The following SLC9B1 variants were observed in gnomAD, a reference collection of about 807,000 sequenced individuals.
The protein encoded by SLC9B1 is sodium/hydrogen exchanger 9B1.
SLC9B1 carries 32 observed loss-of-function variants against 51.7 expected under a neutral mutation model. The ratio of observed to expected loss-of-function variants is 0.62; its 90% CI spans 0.47 to 0.83. SLC9B1 has a LOEUF of 0.83. SLC9B1 is among the 40% of genes least tolerant of loss of function. The probability of loss-of-function intolerance (pLI) is 0.00; values close to 1 mark genes in which losing one functional copy is unlikely to be tolerated. For missense variants in SLC9B1, 406 were observed against 613.2 expected, an observed-to-expected ratio of 0.66 and a Z score of 3.57; for synonymous variants, 145 against 212.7, an observed-to-expected ratio of 0.68 and a Z score of 2.77.
chr4:102,967,229 C>T (rs1228517586), intron 3 of SLC9B1, among the ~76,000 whole-genome samples: 1 of 152,130 alleles, frequency 6.6e-6, no homozygotes, highest in Non-Finnish European at 1.5e-5. Flanking sequence ...TGAAATTATC[C>T]TTAATGCTCT....
intron 3 of SLC9B1, among the ~76,000 whole-genome samples, chr4:102,970,938 C>T (rs1213568542): frequency 6.6e-6 from 1 of 152,208 alleles, no homozygotes; most frequent in African/African-American, 2.4e-5. Flanking sequence ...GAAGATCTAA[C>T]TATCCTAACT....
chr4:102,940,807 C>T (rs973320905), intron 6 of SLC9B1, among the ~76,000 whole-genome samples: 1 of 152,112 alleles, frequency 6.6e-6, no homozygotes, highest in African/African-American at 2.4e-5. Context: ...TTACAGAACG[C>T]AGAAATAAAG....
chr4:102,990,117 T>G (rs901015568), intron 2 of SLC9B1, among the ~76,000 whole-genome samples, 176 bp from the exon 3 acceptor site: 6 of 152,042 alleles, frequency 3.9e-5, no homozygotes, highest in Non-Finnish European at 5.9e-5. Flanking sequence ...GTAACAGCAG[T>G]GTATTTTGCA....
chr4:102,949,419 G>C lies in SLC9B1; in HGVS notation c.220C>G (p.Leu74Val). 2 of 1,578,122 alleles carry C rather than the reference G, an allele frequency of 1.3e-6. No individual in the cohort carries two copies. The highest frequency in any genetic ancestry group is 1.7e-6 in the Non-Finnish European group (2 of 1,168,272). Residue 74 changes from leucine (L) to valine (V), a missense_variant, in exon 4 of 12, where the codon CTG becomes GTG. By Grantham distance (32) the Leu-to-Val change is conservative (BLOSUM62 1). Transcript: ENST00000296422. ...LNVIITNGVI[L>V]FVIWCMTWSI... Reference sequence around the variant, plus strand: ...CAGGTCATACACCATATCACAAACAGTATAACTCCTGAAATACAAAAAAGT... The same window carrying C: ...CAGGTCATACACCATATCACAAACACTATAACTCCTGAAATACAAAAAAGT...
chr4:102,938,897 T>C (rs777703680), intron 6 of SLC9B1, among the ~76,000 whole-genome samples: 3 of 152,148 alleles, frequency 2.0e-5, no homozygotes, highest in East Asian at 1.9e-4. Flanking sequence ...GAAAAGTTTA[T>C]AGTGCTAAAT....
At chr4:102,997,399 A>T (rs1026106815) in intron 1 of SLC9B1, among the ~76,000 whole-genome samples, 4 of 152,160 alleles carry the variant, frequency 2.6e-5, no homozygotes, top group Non-Finnish European at 5.9e-5. Context: ...GTCTTTCATT[A>T]GGCTTATTTT....
intron 11 of SLC9B1, among the ~76,000 whole-genome samples, chr4:102,893,281 C>CAAAAGAAAAAAA: frequency 2.8e-5 from 1 of 35,160 alleles, no homozygotes; most frequent in Non-Finnish European, 4.8e-5. Flanking sequence ...GACTCCATCT[C>CAAAAGAAAAAAA]AAAAAAAAAA....
At chr4:102,906,026 C>T (rs2110426730) in intron 10 of SLC9B1, among the ~76,000 whole-genome samples, 1 of 152,236 alleles carries the variant, frequency 6.6e-6, no homozygotes, top group South Asian at 2.1e-4. Context: ...ACTTCCGACT[C>T]CCGGGTTCAC....
At chr4:102,924,194 G>C (rs1483299607) in intron 7 of SLC9B1, among the ~76,000 whole-genome samples, 1 of 152,158 alleles carries the variant, frequency 6.6e-6, no homozygotes, top group Non-Finnish European at 1.5e-5. Flanking sequence ...GCATGGTACT[G>C]GTGCCAAAGC....
At chr4:102,913,377 C>T (rs1383198745) in intron 7 of SLC9B1, among the ~76,000 whole-genome samples, 1 of 152,114 alleles carries the variant, frequency 6.6e-6, no homozygotes, top group Non-Finnish European at 1.5e-5. Flanking sequence ...TGGCAAACCT[C>T]TACTTGGGAT....
intron 6 of SLC9B1, among the ~76,000 whole-genome samples, chr4:102,941,948 A>G (rs1737025140): frequency 6.6e-6 from 1 of 152,184 alleles, no homozygotes; most frequent in Non-Finnish European, 1.5e-5. Context: ...TGATAAATGA[A>G]TTCAGTAACG....
intron 3 of SLC9B1, among the ~76,000 whole-genome samples, chr4:102,979,043 T>G (rs1739219444): frequency 1.3e-5 from 2 of 152,188 alleles, no homozygotes; most frequent in African/African-American, 4.8e-5. Flanking sequence ...GTTCTACTTA[T>G]GACAGGGTAA....
chr4:102,891,922 T>C (rs1350279573), intron 11 of SLC9B1: 1 of 152,210 alleles, frequency 6.6e-6, no homozygotes, highest in African/African-American at 2.4e-5. Flanking sequence ...GGTTGGAGTA[T>C]AGAATATGCC....
chr4:102,895,502 T>G (rs1341733067), intron 11 of SLC9B1, among the ~76,000 whole-genome samples: 1 of 152,102 alleles, frequency 6.6e-6, no homozygotes, highest in Non-Finnish European at 1.5e-5. Flanking sequence ...TGGGTTATAA[T>G]AAAGCATTAA....
chr4:102,992,143 A>G (rs1370225083), intron 1 of SLC9B1, among the ~76,000 whole-genome samples: 2 of 152,164 alleles, frequency 1.3e-5, no homozygotes, highest in Admixed American at 6.5e-5. Context: ...ACCTACATCT[A>G]TAAGTTACTG....
intron 5 of SLC9B1, among the ~76,000 whole-genome samples, chr4:102,946,000 C>T (rs1737247493): frequency 6.6e-6 from 1 of 151,950 alleles, no homozygotes; most frequent in South Asian, 2.1e-4. Context: ...GAACATAATC[C>T]TGTGGAGAAA....
At chr4:103,003,797 C>T (rs1434117154) in intron 1 of SLC9B1, among the ~76,000 whole-genome samples, 1 of 152,116 alleles carries the variant, frequency 6.6e-6, no homozygotes, top group Non-Finnish European at 1.5e-5. Context: ...TGGTTTCAGC[C>T]CCCCAGAGCT....
chr4:102,976,665 G>C (rs563043285), intron 3 of SLC9B1, among the ~76,000 whole-genome samples: 6 of 152,302 alleles, frequency 3.9e-5, no homozygotes, highest in African/African-American at 1.4e-4. Context: ...GCAAAGATAA[G>C]GACATGGTAA....
At chr4:103,019,557 CA>C in intron 1 of SLC9B1, 41 bp downstream of exon 1, 1 of 984,798 alleles carries the variant, frequency 1.0e-6, no homozygotes, top group Non-Finnish European at 1.2e-6. Flanking sequence ...GGACTAGCGC[CA>C]AAGGGCTTGG....
Sources: gnomAD v4.1 joint callset for allele counts (sites outside exome capture counted in the v4.1 genomes callset) on GRCh38, gnomAD v4.1.1 for gene constraint, MANE v1.5 for transcripts, NCBI Gene and HGNC (gene_info 2026-07-23, HGNC 2026-07-21) for gene names.